APBB1IP: variants seen among roughly 807,000 people sequenced by gnomAD.
The protein encoded by APBB1IP is amyloid beta A4 precursor protein-binding family B member 1-interacting protein.
APBB1IP carries 27 observed loss-of-function variants against 64.9 expected under a neutral mutation model. The ratio of observed to expected loss-of-function variants is 0.42; its 90% CI spans 0.31 to 0.57. The LOEUF is 0.57. APBB1IP is among the 20% of genes least tolerant of loss of function. The pLI, the probability that APBB1IP is intolerant of heterozygous loss-of-function variation, is 0.20. For synonymous variants in APBB1IP, 392 were observed against 331.0 expected (o/e 1.18, Z -2.00); for missense variants, 812 against 845.5 (o/e 0.96, Z 0.49).
intron 2 of APBB1IP, among the ~76,000 whole-genome samples, chr10:26,443,021 C>T (rs552936279): frequency 1.3e-5 from 2 of 152,244 alleles, no homozygotes; most frequent in African/African-American, 4.8e-5. Flanking sequence ...ATAAAAACAA[C>T]ATGTATTAGA....
intron 14 of APBB1IP, among the ~76,000 whole-genome samples, chr10:26,563,937 G>A (rs1056161720): frequency 6.6e-6 from 1 of 151,564 alleles, no homozygotes; most frequent in Non-Finnish European, 1.5e-5. Flanking sequence ...TTGAAGGACA[G>A]CATTTAAAAA....
At chr10:26,551,927 GTGGATGGATGGATGGATGGA>G (rs59758757) in intron 11 of APBB1IP, among the ~76,000 whole-genome samples, 23 of 149,972 alleles carry the variant, frequency 1.5e-4, no homozygotes, top group Non-Finnish European at 3.0e-4. Context: ...AGATGGGTGG[GTGGATGGATGGATGGATGGA>G]TGGATGGATG....
At chr10:26,490,550 A>C (rs1458693693) in intron 2 of APBB1IP, among the ~76,000 whole-genome samples, 1 of 152,184 alleles carries the variant, frequency 6.6e-6, no homozygotes, top group Non-Finnish European at 1.5e-5. Flanking sequence ...GCTTTAGCCC[A>C]GGAGGCGGAA....
chr10:26,496,074 T>G (rs1836020649), intron 3 of APBB1IP, among the ~76,000 whole-genome samples: 1 of 150,236 alleles, frequency 6.7e-6, no homozygotes, highest in Admixed American at 6.7e-5. Flanking sequence ...ATCATTGCTC[T>G]CAATTGACGT....
chr10:26,565,832 T>G (rs1037128057), intron 14 of APBB1IP, among the ~76,000 whole-genome samples: 1 of 152,022 alleles, frequency 6.6e-6, no homozygotes, highest in African/African-American at 2.4e-5. Context: ...AGAGTTGAGA[T>G]CAAAAGATGA....
In APBB1IP at chr10:26,503,199, A is replaced by T; in HGVS notation, c.456A>T (p.Glu152Asp). ...PPPPPEPLSQ[E>D]EEEAQAKADK... is the part of the protein sequence containing the mutation. ...AAGAATATCTTGCCCTTTTCCAGGA[A>T]GAGGAAGAAGCCCAAGCCAAGGCTG... The change falls in exon 6 of 15, where the codon GAA becomes GAT. Residue 152 changes from glutamate (E) to aspartate (D), a missense_variant and splice_region_variant. By Grantham distance (45) the Glu-to-Asp change is conservative. This residue lies in a region of APBB1IP where 394 missense variants were observed against 413.1 expected (regional missense o/e 0.95). Coordinates refer to ENST00000376236, the MANE Select transcript of APBB1IP (RefSeq NM_019043.4). The T allele has an allele frequency of 6.2e-7, 1 of 1,614,090 alleles. No homozygotes were observed. Among genetic ancestry groups the T allele is most frequent in the Non-Finnish European group, 8.5e-7 (1 of 1,179,960 alleles).
chr10:26,513,397 G>A (rs563597251), intron 7 of APBB1IP, 142 bp from the exon 8 acceptor site: 1 of 834,876 alleles, frequency 1.2e-6, no homozygotes, highest in Admixed American at 2.8e-5. Context: ...AAATGTTACA[G>A]TGTGGCATCA....
At chr10:26,540,274 G>A (rs1836681045) in intron 10 of APBB1IP, among the ~76,000 whole-genome samples, 1 of 152,098 alleles carries the variant, frequency 6.6e-6, no homozygotes, top group African/African-American at 2.4e-5. Flanking sequence ...ACTCCTAGAT[G>A]CAATGTTAAG....
At chr10:26,490,667 C>G (rs1368970453) in intron 2 of APBB1IP, among the ~76,000 whole-genome samples, 1 of 152,098 alleles carries the variant, frequency 6.6e-6, no homozygotes, top group African/African-American at 2.4e-5. Context: ...TCTTTTAGCA[C>G]TGCATTCTGA....
chr10:26,475,615 T>C (rs702994), intron 2 of APBB1IP, among the ~76,000 whole-genome samples: 8,062 of 152,248 alleles, frequency 0.053, 686 homozygotes, highest in African/African-American at 0.18. Context: ...CATCCGGCCA[T>C]GGATGTCCTG....
At chr10:26,557,665 G>A (rs1486070894) in intron 11 of APBB1IP, among the ~76,000 whole-genome samples, 5 of 152,146 alleles carry the variant, frequency 3.3e-5, no homozygotes, top group Admixed American at 6.5e-5. Flanking sequence ...CTGAGCCTCA[G>A]TTTTCTCATT....
In APBB1IP at chr10:26,493,773, C is replaced by T. The variant is rs1349455574; in HGVS notation, c.72+1375C>T. Among the ~76,000 whole-genome samples the T allele has an allele frequency of 4.6e-5, 7 of 152,294 alleles. No individual in the cohort carries two copies. The South Asian group carries it at 1.2e-3, about 27-fold the overall frequency. ...AAGTTTACTATCCTACAACCACCAGCGCTGAGCCATTTCCCTGTGGTTACT... is the reference window on the plus strand; with the variant it reads ...AAGTTTACTATCCTACAACCACCAGTGCTGAGCCATTTCCCTGTGGTTACT... On this transcript the variant is annotated intron_variant, in intron 3 of 14. Coordinates refer to ENST00000376236, the MANE Select transcript of APBB1IP (RefSeq NM_019043.4).
At chr10:26,521,248 G>T (rs1343112514) in intron 8 of APBB1IP, among the ~76,000 whole-genome samples, 3 of 152,178 alleles carry the variant, frequency 2.0e-5, no homozygotes, top group African/African-American at 7.2e-5. Context: ...GTTCTCCAGA[G>T]CCACTGCTGA....
At chr10:26,550,443 T>G (rs1393259013) in intron 11 of APBB1IP, among the ~76,000 whole-genome samples, 1 of 152,128 alleles carries the variant, frequency 6.6e-6, no homozygotes, top group East Asian at 1.9e-4. Context: ...CTTTATTCCT[T>G]TTCATTTTTT....
chr10:26,473,867 G>C (rs992770852), intron 2 of APBB1IP, among the ~76,000 whole-genome samples: 1 of 151,804 alleles, frequency 6.6e-6, no homozygotes, highest in Non-Finnish European at 1.5e-5. Context: ...CCAGGTTTGG[G>C]GGTGCATGCC....
chr10:26,459,158 C>A (rs2132405247), intron 2 of APBB1IP, among the ~76,000 whole-genome samples: 1 of 138,816 alleles, frequency 7.2e-6, no homozygotes, highest in African/African-American at 2.7e-5. Context: ...TCTCATTGTT[C>A]AATTCCCACC....
At position 26,567,379 on chromosome 10, in the gene APBB1IP, C is replaced by T. The variant is rs746218305; in HGVS notation, c.1892C>T (p.Pro631Leu). 3.2e-6 allele frequency: 5 copies of T among 1,578,122 alleles called. No homozygotes were observed. The highest frequency in any genetic ancestry group is 1.7e-5 in the Admixed American group (1 of 57,496). ...GTGGCCAAGAGGCCTCCTGTGCCCCCCAAGAGGCAAGAGAACCCAGGGCAC... is the reference window on the plus strand; with the variant it reads ...GTGGCCAAGAGGCCTCCTGTGCCCCTCAAGAGGCAAGAGAACCCAGGGCAC... ...PAVAKRPPVPPKRQENPGHPG... is the reference protein window; with the variant it reads ...PAVAKRPPVPLKRQENPGHPG... The change falls in exon 15 of 15, where the codon CCC becomes CTC. Residue 631 changes from proline (P) to leucine (L), a missense_variant. Pro to Leu is a moderately conservative substitution (Grantham distance 98). Transcript: ENST00000376236.
At chr10:26,449,722 C>A (rs1835443581) in intron 2 of APBB1IP, among the ~76,000 whole-genome samples, 1 of 152,136 alleles carries the variant, frequency 6.6e-6, no homozygotes. Flanking sequence ...CTCAAAGGTG[C>A]TTGAAGTCCA....
At chr10:26,548,364 T>C (rs1346963102) in intron 11 of APBB1IP, among the ~76,000 whole-genome samples, 2 of 127,874 alleles carry the variant, frequency 1.6e-5, no homozygotes, top group Non-Finnish European at 3.2e-5. Flanking sequence ...CAGGCCCCGG[T>C]GTGTGATGTT....
Sources: gnomAD v4.1 joint callset for allele counts (sites outside exome capture counted in the v4.1 genomes callset) on GRCh38, gnomAD v4.1.1 for gene constraint, gnomAD v4.1.1 regional missense constraint, MANE v1.5 for transcripts, NCBI Gene and HGNC (gene_info 2026-07-23, HGNC 2026-07-21) for gene names.